Variants in SREK1 observed in about 807,000 individuals in gnomAD.
The protein encoded by SREK1 is splicing regulatory glutamine/lysine-rich protein 1.
In SREK1, 13 loss-of-function variants were observed where a neutral mutation model predicts 66.5. The ratio of observed to expected loss-of-function variants is 0.20; its 90% confidence interval spans 0.13 to 0.31. The LOEUF (loss-of-function observed/expected upper bound fraction) is 0.31, where lower values mean the gene tolerates loss of function less well. Ranked by LOEUF, SREK1 falls within the 10% of genes least tolerant of loss-of-function variation. The pLI is 1.00. For synonymous variants in SREK1, 265 were observed against 263.5 expected, an observed-to-expected ratio of 1.01 and a Z score of -0.05; for missense variants, 607 against 769.6, an observed-to-expected ratio of 0.79 and a Z score of 2.50.
chr5:66,166,955 A>G (rs1038016532), intron 7 of SREK1: 1 of 152,160 alleles, frequency 6.6e-6, no homozygotes, highest in African/African-American at 2.4e-5. Context: ...GGATCCCACT[A>G]TCCCCCAGAA....
At position 66,177,585 on chromosome 5, in the gene SREK1, C is replaced by G; in HGVS notation, c.1652C>G (p.Ser551Ter). 6.2e-7 allele frequency: 1 copy of G among 1,610,796 alleles called. No individual in the cohort carries two copies. Among genetic ancestry groups the G allele is most frequent in the Non-Finnish European group, 8.5e-7 (1 of 1,177,998 alleles). The change falls in exon 11 of 12, where the codon TCA becomes TGA. Residue 551 changes from serine to a stop codon, truncating the protein, a stop_gained. Coordinates refer to ENST00000334121, the MANE Select transcript of SREK1 (RefSeq NM_001077199.3). LOFTEE classifies it high-confidence loss of function. ...AGTGAAAGAAGAGAGAGAGAACGTT[C>G]AACGTCTATGAGAAAGAGTTCTAAT... ...HISERRERER[S>*]TSMRKSSNDR...
intron 1 of SREK1, among the ~76,000 whole-genome samples, chr5:66,151,842 T>TG (rs1320152716): frequency 1.7e-5 from 2 of 117,748 alleles, no homozygotes; most frequent in African/African-American, 8.9e-5. Context: ...TCCTTTTTTT[T>TG]TTTTTTTTTT....
In SREK1 at chr5:66,144,416, G is replaced by A; in HGVS notation, c.40G>A (p.Gly14Ser). The change falls in exon 1 of 12, where the codon GGC (glycine) becomes AGC (serine). Residue 14 changes from glycine (G) to serine (S), a missense_variant. Gly to Ser is a moderately conservative substitution (Grantham distance 56). Coordinates refer to ENST00000334121, the MANE Select transcript of SREK1 (RefSeq NM_001077199.3). ...CGGCTTCGGTTTGGGCTTAGGCTTC[G>A]GCCTCACCCCCACGTCGGTGATTCA... ...GGGFGLGLGF[G>S]LTPTSVIQVT... is the part of the protein sequence containing the mutation. 3 of 1,551,372 alleles carry A rather than the reference G, an allele frequency of 1.9e-6. No homozygotes were observed. Among genetic ancestry groups the A allele is most frequent in the Non-Finnish European group, 2.6e-6 (3 of 1,146,850 alleles).
In SREK1 at chr5:66,183,529, ACTT is replaced by A. The variant is rs1490247212; in HGVS notation, c.*4662_*4664del. On this transcript the variant is annotated 3_prime_UTR_variant, in exon 12 of 12. Coordinates refer to ENST00000334121, the MANE Select transcript of SREK1 (RefSeq NM_001077199.3). ...GTGGTGGTTATTTGTGAGTAGGACT[ACTT>A]TTAAATGGTACTAGTAAAGATTTAT... The A allele has an allele frequency of 6.6e-6, 1 of 152,194 alleles. No individual in the cohort carries two copies. Among genetic ancestry groups the A allele is most frequent in the African/African-American group, 2.4e-5 (1 of 41,452 alleles). 9.4% of individuals were successfully genotyped at this position (152,194 alleles called of 1,614,324 possible).
At chr5:66,166,527 G>C (rs925840747) in intron 7 of SREK1, 1 of 152,036 alleles carries the variant, frequency 6.6e-6, no homozygotes, top group African/African-American at 2.4e-5. Context: ...CTGGAGTGCA[G>C]TAGCTTGATC....
intron 7 of SREK1, chr5:66,166,801 G>C (rs957283743): frequency 3.9e-5 from 6 of 152,028 alleles, no homozygotes; most frequent in African/African-American, 1.5e-4. Context: ...ACTTTTGTCA[G>C]CATATTCTGT....
Position 66,182,438 on chromosome 5 carries a change from G to A in SREK1, c.*3570G>A, listed in dbSNP as rs1013492541. 3.9e-5 allele frequency: 6 copies of A among 152,088 alleles called. No homozygotes were observed. The highest frequency in any genetic ancestry group is 1.2e-4 in the African/African-American group (5 of 41,400). 9.4% of individuals were successfully genotyped at this position (152,088 alleles called of 1,614,324 possible). A position where few individuals can be genotyped will look rare whatever the true frequency, so the allele number is the denominator to read the frequency against. ...AGCTAAATTATATTTCTGGAAGCAG[G>A]AGTTTAGTATAAATGTAATAAAATT... On this transcript the variant is annotated 3_prime_UTR_variant, in exon 12 of 12. Coordinates refer to ENST00000334121, the MANE Select transcript of SREK1 (RefSeq NM_001077199.3).
rs2112124427 is a variant in SREK1 at position 66,179,785 on chromosome 5, T to C, written c.*917T>C. Reference sequence around the variant, plus strand: ...GCCTTCTACAATGTGGTATACTGTTTTCTAGAATTTTATATGTGCTAGTCA... The same window carrying C: ...GCCTTCTACAATGTGGTATACTGTTCTCTAGAATTTTATATGTGCTAGTCA... On this transcript the variant is annotated 3_prime_UTR_variant, in exon 12 of 12. Coordinates refer to ENST00000334121, the MANE Select transcript of SREK1 (RefSeq NM_001077199.3). The C allele has an allele frequency of 6.6e-6, 1 of 152,632 alleles. No homozygotes were observed. Among genetic ancestry groups the C allele is most frequent in the Non-Finnish European group, 1.5e-5 (1 of 67,950 alleles). 9.5% of individuals were successfully genotyped at this position (152,632 alleles called of 1,614,324 possible).
intron 6 of SREK1, chr5:66,164,525 CAT>C (rs961796093): frequency 2.1e-5 from 28 of 1,310,942 alleles, no homozygotes; most frequent in African/African-American, 4.4e-5. Flanking sequence ...GAATTACAGA[CAT>C]GTTGTAATCG....
intron 2 of SREK1, 40 bp from the exon 3 acceptor site, chr5:66,159,179 T>G: frequency 6.3e-7 from 1 of 1,581,494 alleles, no homozygotes; most frequent in Non-Finnish European, 8.6e-7. Context: ...GTTTGTGTGG[T>G]GTTTCTGCTT....
In SREK1 at chr5:66,179,135, T is replaced by C. The variant is rs968854411; in HGVS notation, c.*267T>C. 3.9e-6 allele frequency: 1 copy of C among 255,386 alleles called. No homozygotes were observed. The highest frequency in any genetic ancestry group is 7.4e-6 in the Non-Finnish European group (1 of 134,928). The allele number at this position is 255,386 out of a possible 1,614,324, so 15.8% of individuals were successfully genotyped here. Reference sequence around the variant, plus strand: ...GCTGACACACTTGTCATGTGGTCTGTTAGTGTTTGCCAAGAACCATTGCAA... The same window carrying C: ...GCTGACACACTTGTCATGTGGTCTGCTAGTGTTTGCCAAGAACCATTGCAA... On this transcript the variant is annotated 3_prime_UTR_variant, in exon 12 of 12. Transcript: ENST00000334121.
chr5:66,160,303 CT>C (rs1167253888), intron 3 of SREK1, among the ~76,000 whole-genome samples: 2 of 152,110 alleles, frequency 1.3e-5, no homozygotes, highest in Non-Finnish European at 2.9e-5. Context: ...AGGAATTGAA[CT>C]AAGAAATGAA....
At chr5:66,156,977 G>C (rs1447667807) in intron 2 of SREK1, 1 of 984,974 alleles carries the variant, frequency 1.0e-6, no homozygotes, top group Admixed American at 6.2e-5. Context: ...ATGCTTATTT[G>C]TTTTATACTT....
chr5:66,180,042 C>G lies in SREK1; in HGVS notation c.*1174C>G, dbSNP rs1335296144. 1.3e-5 allele frequency: 2 copies of G among 152,456 alleles called. No homozygotes were observed. Among genetic ancestry groups the G allele is most frequent in the Non-Finnish European group, 2.9e-5 (2 of 67,976 alleles). The allele number at this position is 152,456 out of a possible 1,614,324, so 9.4% of individuals were successfully genotyped here. A position where few individuals can be genotyped will look rare whatever the true frequency, so the allele number is the denominator to read the frequency against. ...AAATTGAAGAAAACCCTTTAGTTGTCTACATTGGATGGCCTTATTACCTCT... is the reference window on the plus strand; with the variant it reads ...AAATTGAAGAAAACCCTTTAGTTGTGTACATTGGATGGCCTTATTACCTCT... On this transcript the variant is annotated 3_prime_UTR_variant, in exon 12 of 12. Coordinates refer to ENST00000334121, the MANE Select transcript of SREK1 (RefSeq NM_001077199.3).
chr5:66,163,700 C>T, intron 5 of SREK1, 92 bp from the exon 6 acceptor site: 1 of 1,341,154 alleles, frequency 7.5e-7, no homozygotes, highest in Non-Finnish European at 1.0e-6. Context: ...GAGATGTCCT[C>T]ACGTTTATAA....
rs763046277 is a variant in SREK1, at chr5:66,170,132, A to G, written c.1083A>G (p.Ser361=). ...GCCCACATAAAAAACGCTCTAAATC[A>G]AGGGAGAGACGGAAGTCAAGGAGTC... ...SKSPHKKRSK[S]RERRKSRSRS... is the part of the protein sequence containing the mutation. The change falls in exon 8 of 12, where the codon TCA becomes TCG. Residue 361 remains serine, a synonymous_variant. Transcript: ENST00000334121. 6.2e-7 allele frequency: 1 copy of G among 1,613,116 alleles called. No homozygotes were observed. The highest frequency in any genetic ancestry group is 1.1e-5 in the South Asian group (1 of 90,890).
chr5:66,178,796 A>G lies in SREK1; in HGVS notation c.1803A>G (p.Glu601=), dbSNP rs1464307039. ...ACAAGGATGCACCAAGGACTGAGGA[A>G]AACAAAATACAGCACAATGGGAATT... is the stretch of plus-strand genomic sequence containing the variant. ...VDDKDAPRTE[E]NKIQHNGNCQ... The change falls in exon 12 of 12, where the codon GAA becomes GAG. Residue 601 remains glutamate, a synonymous_variant. Coordinates refer to ENST00000334121, the MANE Select transcript of SREK1 (RefSeq NM_001077199.3). 1 of 1,612,794 alleles carries G rather than the reference A, an allele frequency of 6.2e-7. No individual in the cohort carries two copies. Among genetic ancestry groups the G allele is most frequent in the Non-Finnish European group, 8.5e-7 (1 of 1,179,050 alleles).
chr5:66,162,113 G>C lies in SREK1; in HGVS notation c.416G>C (p.Gly139Ala). 6.2e-7 allele frequency: 1 copy of C among 1,609,842 alleles called. No homozygotes were observed. Among genetic ancestry groups the C allele is most frequent in the Non-Finnish European group, 8.5e-7 (1 of 1,178,556 alleles). The change falls in exon 4 of 12, where the codon GGT becomes GCT. Residue 139 changes from glycine (G) to alanine (A), a missense_variant. Gly to Ala is a moderately conservative substitution (Grantham distance 60). This residue lies in a region of SREK1 where 99 missense variants were observed against 186.6 expected (regional missense o/e 0.53). Transcript: ENST00000334121. ...IPTPNPLTTL[G>A]VSLSSLGAIP... ...TTTTTTTTCTTCTTTCGATAGCTTG[G>C]TGTTTCACTTAGCAGTTTGGGAGCT...
chr5:66,165,068 A>T, intron 7 of SREK1, 171 bp downstream of exon 7: 1 of 529,164 alleles, frequency 1.9e-6, no homozygotes, highest in Non-Finnish European at 3.1e-6. Flanking sequence ...TTGAGAATGA[A>T]ATTTTGTCTA....
Sources: gnomAD v4.1 joint callset for allele counts (sites outside exome capture counted in the v4.1 genomes callset) on GRCh38, gnomAD v4.1.1 for gene constraint, gnomAD v4.1.1 regional missense constraint, MANE v1.5 for transcripts, NCBI Gene and HGNC (gene_info 2026-07-23, HGNC 2026-07-21) for gene names.